Variants in ARHGAP10 observed in about 807,000 individuals in gnomAD.
ARHGAP10 encodes Rho GTPase activating protein 10.
A neutral mutation model predicts 108.6 loss-of-function variants in ARHGAP10; 87 were observed. That is an observed-to-expected ratio of 0.80 (90% CI 0.67 to 0.96). ARHGAP10 has a LOEUF of 0.96. Ranked by LOEUF, ARHGAP10 falls within the 40% of genes least tolerant of loss-of-function variation. The pLI, the probability that ARHGAP10 is intolerant of heterozygous loss-of-function variation, is 0.00. For synonymous variants in ARHGAP10, 347 were observed against 341.1 expected, an observed-to-expected ratio of 1.02 and a Z score of -0.19; for missense variants, 939 against 954.5, an observed-to-expected ratio of 0.98 and a Z score of 0.21.
At chr4:147,869,999 TGTG>T (rs200165288) in intron 7 of ARHGAP10, among the ~76,000 whole-genome samples, 2 of 130,810 alleles carry the variant, frequency 1.5e-5, no homozygotes, top group Admixed American at 1.4e-4. Flanking sequence ...AGTCCCAGTT[TGTG>T]TGTGTGTGTG....
chr4:147,997,057 A>G (rs1740504506), intron 18 of ARHGAP10, among the ~76,000 whole-genome samples: 2 of 152,254 alleles, frequency 1.3e-5, no homozygotes, highest in South Asian at 4.1e-4. Flanking sequence ...CAGAACACTG[A>G]GCAGGCAAAA....
At chr4:147,919,166 A>G (rs1321244572) in intron 13 of ARHGAP10, among the ~76,000 whole-genome samples, 2 of 152,324 alleles carry the variant, frequency 1.3e-5, no homozygotes, top group South Asian at 2.1e-4. Context: ...AAACTGTACT[A>G]TCGTTCTCAG....
At chr4:148,051,528 C>T (rs1729138477) in intron 20 of ARHGAP10, among the ~76,000 whole-genome samples, 1 of 152,216 alleles carries the variant, frequency 6.6e-6, no homozygotes, top group African/African-American at 2.4e-5. Context: ...ACCTCCTTTT[C>T]TGCTGGCACA....
In ARHGAP10 at chr4:147,973,057, A is replaced by G. The variant is rs371840949; in HGVS notation, c.1716+6218A>G. On this transcript the variant is annotated intron_variant, in intron 18 of 22. Coordinates refer to ENST00000336498, the MANE Select transcript of ARHGAP10 (RefSeq NM_024605.4). ...GGCATGAGCCACCGTGACTGGCCTA[A>G]TGGTGACATTTCTGTTGAGAGCCAG... 3.9e-5 allele frequency among the ~76,000 whole-genome samples: 6 copies of G among 152,176 alleles called. No homozygotes were observed. The East Asian group carries it at 1.2e-3, about 29-fold the overall frequency.
At chr4:147,756,782 G>A (rs1262986693) in intron 1 of ARHGAP10, among the ~76,000 whole-genome samples, 1 of 152,054 alleles carries the variant, frequency 6.6e-6, no homozygotes, top group Non-Finnish European at 1.5e-5. Flanking sequence ...TATTGTTATT[G>A]GTCTTAGGGA....
chr4:148,028,132 G>T (rs77611272), intron 19 of ARHGAP10, among the ~76,000 whole-genome samples: 1,780 of 152,274 alleles, frequency 0.012, 42 homozygotes, highest in African/African-American at 0.04. Flanking sequence ...TGTAGGGGGT[G>T]CTTTCTGGTT....
intron 13 of ARHGAP10, among the ~76,000 whole-genome samples, chr4:147,927,074 A>G (rs1737492719): frequency 6.6e-6 from 1 of 152,212 alleles, no homozygotes; most frequent in Non-Finnish European, 1.5e-5. Flanking sequence ...TGTGTTTTAA[A>G]TACCCACGCT....
At chr4:147,989,047 G>A (rs1422240151) in intron 18 of ARHGAP10, among the ~76,000 whole-genome samples, 2 of 152,184 alleles carry the variant, frequency 1.3e-5, no homozygotes, top group African/African-American at 4.8e-5. Flanking sequence ...AGTGTCGACT[G>A]GCTTGAGAAA....
At chr4:148,009,279 A>C (rs965099518) in intron 18 of ARHGAP10, among the ~76,000 whole-genome samples, 3 of 151,896 alleles carry the variant, frequency 2.0e-5, no homozygotes, top group African/African-American at 7.3e-5. Flanking sequence ...TTACAGGTGC[A>C]CACCACCATG....
chr4:148,011,150 T>G (rs998392582), intron 18 of ARHGAP10, among the ~76,000 whole-genome samples: 2 of 152,222 alleles, frequency 1.3e-5, no homozygotes, highest in South Asian at 4.1e-4. Flanking sequence ...TGACATCAGT[T>G]TGTTCCATTA....
At chr4:148,027,720 C>T (rs914853038) in intron 19 of ARHGAP10, among the ~76,000 whole-genome samples, 14 of 152,138 alleles carry the variant, frequency 9.2e-5, no homozygotes, top group Middle Eastern at 3.4e-3. Context: ...AAATGTCACA[C>T]GTCAACGAGA....
intron 18 of ARHGAP10, among the ~76,000 whole-genome samples, chr4:147,979,962 T>G (rs1284268237): frequency 1.3e-5 from 2 of 152,248 alleles, no homozygotes; most frequent in Non-Finnish European, 2.9e-5. Flanking sequence ...GTTTTCCAGG[T>G]AGAGAATCAT....
Position 147,847,141 on chromosome 4 carries a change from T to C in ARHGAP10, c.313-10T>C. 4 of 1,609,260 alleles carry C rather than the reference T, an allele frequency of 2.5e-6. No homozygotes were observed. The highest frequency in any genetic ancestry group is 3.4e-6 in the Non-Finnish European group (4 of 1,176,100). On this transcript the variant is annotated splice_polypyrimidine_tract_variant and intron_variant, in intron 3 of 22. Transcript: ENST00000336498. ...TGCTGTGCTCTTTTGTTATCACTCT[T>C]GTTCTCTAGGCATTAAGTGTAACTG...
At chr4:148,071,638 C>A (rs201201854) in intron 22 of ARHGAP10, among the ~76,000 whole-genome samples, 41 of 150,738 alleles carry the variant, frequency 2.7e-4, no homozygotes, top group Admixed American at 6.0e-4. Context: ...AACAAACAAA[C>A]AAAAAAAAAC....
intron 1 of ARHGAP10, among the ~76,000 whole-genome samples, chr4:147,783,220 GTATTGTATAATTTATATAA>G (rs1730635601): frequency 7.2e-6 from 1 of 139,136 alleles, no homozygotes; most frequent in East Asian, 2.2e-4. Flanking sequence ...ATTAAATTAT[GTATTGTATAATTTATATAA>G]CACACATTAA....
intron 18 of ARHGAP10, among the ~76,000 whole-genome samples, chr4:148,010,979 G>A (rs772885688): frequency 1.3e-5 from 2 of 152,170 alleles, no homozygotes; most frequent in Non-Finnish European, 2.9e-5. Flanking sequence ...TAGTTTCTCA[G>A]ACTTAGTCTT....
chr4:147,875,183 G>A, intron 8 of ARHGAP10, 33 bp downstream of exon 8: 1 of 1,521,228 alleles, frequency 6.6e-7, no homozygotes, highest in African/African-American at 1.4e-5. Flanking sequence ...CTGCGTGGCT[G>A]CTTAAAAATG....
chr4:147,983,753 T>C (rs1249506525), intron 18 of ARHGAP10, among the ~76,000 whole-genome samples: 1 of 152,216 alleles, frequency 6.6e-6, no homozygotes, highest in Non-Finnish European at 1.5e-5. Context: ...TTGATCTTGT[T>C]GCATTTCTTT....
At chr4:147,966,274 A>G (rs1739197852) in intron 17 of ARHGAP10, among the ~76,000 whole-genome samples, 1 of 152,248 alleles carries the variant, frequency 6.6e-6, no homozygotes, top group South Asian at 2.1e-4. Context: ...GGGCAGATTC[A>G]ACCAGCTACT....
Sources: gnomAD v4.1 joint callset for allele counts (sites outside exome capture counted in the v4.1 genomes callset) on GRCh38, gnomAD v4.1.1 for gene constraint, MANE v1.5 for transcripts, NCBI Gene and HGNC (gene_info 2026-07-23, HGNC 2026-07-21) for gene names.